CARMIL1: variants seen among roughly 807,000 people sequenced by gnomAD.
The protein encoded by CARMIL1 is capping protein regulator and myosin 1 linker 1.
In CARMIL1, 90 loss-of-function variants were observed where a neutral mutation model predicts 177.1. The ratio of observed to expected loss-of-function variants is 0.51; its 90% CI spans 0.43 to 0.61. The LOEUF (loss-of-function observed/expected upper bound fraction) is 0.61. Among genes scored for constraint, CARMIL1 ranks in the 20% least tolerant of loss-of-function variants. The probability of loss-of-function intolerance (pLI) is 0.00; values close to 1 mark genes in which losing one functional copy is unlikely to be tolerated. For synonymous variants in CARMIL1, 577 were observed against 606.2 expected (o/e 0.95, Z 0.71); for missense variants, 1,380 against 1,667.0 (o/e 0.83, Z 3.00).
chr6:25,428,368 G>C (rs1052574721), intron 4 of CARMIL1, among the ~76,000 whole-genome samples: 3 of 152,112 alleles, frequency 2.0e-5, no homozygotes, highest in African/African-American at 7.2e-5. Context: ...TCTGGACTCT[G>C]AATCCCGTCT....
chr6:25,450,447 C>T, intron 7 of CARMIL1, 38 bp downstream of exon 7: 1 of 1,491,068 alleles, frequency 6.7e-7, no homozygotes, highest in Non-Finnish European at 9.3e-7. Context: ...AGCACACACA[C>T]TCCTGGAGAA....
intron 2 of CARMIL1, among the ~76,000 whole-genome samples, chr6:25,318,859 C>T (rs953261486): frequency 6.6e-6 from 1 of 152,126 alleles, no homozygotes; most frequent in Admixed American, 6.5e-5. Flanking sequence ...GTGAGGTGCT[C>T]AACAGCAGGG....
At position 25,509,767 on chromosome 6, in the gene CARMIL1, T is replaced by G. The variant is rs1177496411; in HGVS notation, c.1477+30T>G. ...GTCAGATATTGAAAAGAAATGAAAC[T>G]GAAATATTTTTTGAAGCAAGTTAAT... On this transcript the variant is annotated intron_variant, in intron 18 of 36. Coordinates refer to ENST00000329474, the MANE Select transcript of CARMIL1 (RefSeq NM_017640.6). This position sits in a 1 kb window ranked among gnomAD's most constrained non-coding sequence, Gnocchi z 4.1. 1.4e-6 allele frequency: 2 copies of G among 1,441,642 alleles called. No homozygotes were observed. The highest frequency in any genetic ancestry group is 1.9e-6 in the Non-Finnish European group (2 of 1,046,996). The allele number at this position is 1,441,642 out of a possible 1,614,324, so 89.3% of individuals were successfully genotyped here.
At chr6:25,438,678 A>C (rs1268812702) in intron 5 of CARMIL1, among the ~76,000 whole-genome samples, 1 of 152,190 alleles carries the variant, frequency 6.6e-6, no homozygotes, top group African/African-American at 2.4e-5. Context: ...TGAAGAACAA[A>C]GATGGGAAGG....
At chr6:25,306,608 A>G (rs1470917829) in intron 2 of CARMIL1, among the ~76,000 whole-genome samples, 1 of 152,170 alleles carries the variant, frequency 6.6e-6, no homozygotes, top group African/African-American at 2.4e-5. Flanking sequence ...ATGTTGTAGC[A>G]TGTGCTAGAA....
chr6:25,598,127 A>G (rs575101497), intron 32 of CARMIL1, among the ~76,000 whole-genome samples: 2 of 152,108 alleles, frequency 1.3e-5, no homozygotes, highest in African/African-American at 4.8e-5. Context: ...AATTTGCTTG[A>G]CACTCATAAG....
chr6:25,381,177 A>G (rs1304333616), intron 2 of CARMIL1, among the ~76,000 whole-genome samples: 1 of 152,222 alleles, frequency 6.6e-6, no homozygotes, highest in East Asian at 1.9e-4. Context: ...TCAAATTATA[A>G]ACAAGCACCA....
chr6:25,307,116 G>A (rs994271065), intron 2 of CARMIL1, among the ~76,000 whole-genome samples: 1 of 152,160 alleles, frequency 6.6e-6, no homozygotes, highest in South Asian at 2.1e-4. Context: ...CCTGACCTCA[G>A]GTGATCCGCC....
intron 2 of CARMIL1, among the ~76,000 whole-genome samples, chr6:25,364,029 C>T (rs1789500050): frequency 6.6e-6 from 1 of 151,944 alleles, no homozygotes; most frequent in South Asian, 2.1e-4. Flanking sequence ...ACAGCCTTGA[C>T]CTCCTGGGTT....
Position 25,539,967 on chromosome 6 carries a change from T to C in CARMIL1, c.2217T>C (p.His739=), listed in dbSNP as rs1014454202. The stretch of plus-strand genomic sequence containing the variant: ...TACAGTTGTTACCAAATTTATACCA[T>C]GTTGGTGGTGCATCTTGGGCGGGAG... ...NSKTLLPNLY[H]VGGASWAGAS... The change falls in exon 26 of 37, where the codon CAT becomes CAC. Residue 739 remains histidine, a synonymous_variant. Coordinates refer to ENST00000329474, the MANE Select transcript of CARMIL1 (RefSeq NM_017640.6). 1.9e-6 allele frequency: 3 copies of C among 1,596,612 alleles called. No homozygotes were observed. The highest frequency in any genetic ancestry group is 2.6e-6 in the Non-Finnish European group (3 of 1,173,522).
At chr6:25,420,725 A>G (rs1350510811) in intron 3 of CARMIL1, among the ~76,000 whole-genome samples, 4 of 152,250 alleles carry the variant, frequency 2.6e-5, no homozygotes, top group African/African-American at 9.6e-5. Context: ...GTTCTTTAAA[A>G]GAGATATATA....
intron 2 of CARMIL1, chr6:25,393,692 A>T (rs953726793): frequency 6.6e-6 from 1 of 151,040 alleles, no homozygotes. Flanking sequence ...TTGGCAACAT[A>T]ACAAGACCTG....
chr6:25,430,431 GT>G (rs34148308), intron 4 of CARMIL1, among the ~76,000 whole-genome samples: 61,281 of 142,238 alleles, frequency 0.43, 13,286 homozygotes, highest in East Asian at 0.75. Flanking sequence ...CTTTGAGAAG[GT>G]TTTTTTTTTT....
chr6:25,415,525 T>G (rs1795284494), intron 2 of CARMIL1, among the ~76,000 whole-genome samples: 1 of 146,186 alleles, frequency 6.8e-6, no homozygotes, highest in Admixed American at 7.2e-5. Context: ...AGTGCAACAA[T>G]TGTCAAAGGA....
chr6:25,385,409 A>G (rs1792051882), intron 2 of CARMIL1, among the ~76,000 whole-genome samples: 1 of 152,162 alleles, frequency 6.6e-6, no homozygotes. Flanking sequence ...GCTCTGTGCA[A>G]TGTGGTTTTC....
intron 3 of CARMIL1, among the ~76,000 whole-genome samples, chr6:25,423,856 C>T (rs1207613406): frequency 6.6e-6 from 1 of 152,172 alleles, no homozygotes; most frequent in African/African-American, 2.4e-5. Flanking sequence ...CTCAAGTCTT[C>T]ATGCAGCCTA....
intron 2 of CARMIL1, among the ~76,000 whole-genome samples, chr6:25,313,154 A>T (rs1400962648): frequency 2.0e-5 from 3 of 152,144 alleles, no homozygotes; most frequent in Admixed American, 2.0e-4. Flanking sequence ...AAAATAAAAA[A>T]TTTTCCCCAC....
At chr6:25,433,963 A>C (rs916147969) in intron 4 of CARMIL1, among the ~76,000 whole-genome samples, 2 of 152,248 alleles carry the variant, frequency 1.3e-5, no homozygotes, top group Non-Finnish European at 2.9e-5. Context: ...TGCACATTAT[A>C]AAGTGTTCTC....
intron 8 of CARMIL1, among the ~76,000 whole-genome samples, chr6:25,457,216 A>C (rs1331131380): frequency 6.6e-6 from 1 of 151,974 alleles, no homozygotes; most frequent in African/African-American, 2.4e-5. Context: ...TTTTTTTCTC[A>C]TTCATTTTAT....
Sources: gnomAD v4.1 joint callset for allele counts (sites outside exome capture counted in the v4.1 genomes callset) on GRCh38, gnomAD v4.1.1 for gene constraint, Gnocchi (gnomAD v3.1) non-coding constraint, MANE v1.5 for transcripts, NCBI Gene and HGNC (gene_info 2026-07-23, HGNC 2026-07-21) for gene names.